TRDN: variants seen among roughly 807,000 people sequenced by gnomAD.
TRDN encodes the protein triadin in skeletal muscle.
A neutral mutation model predicts 149.7 loss-of-function variants in TRDN; 161 were observed. The ratio of observed to expected loss-of-function variants is 1.08; its 90% CI spans 0.95 to 1.23. TRDN has a LOEUF of 1.23. Among genes scored for constraint, TRDN ranks in the 50% most tolerant of loss-of-function variants. TRDN has a pLI of 0.00. For synonymous variants in TRDN, 294 were observed against 250.5 expected, an observed-to-expected ratio of 1.17 and a Z score of -1.64; for missense variants, 896 against 823.5, an observed-to-expected ratio of 1.09 and a Z score of -1.08.
intron 23 of TRDN, among the ~76,000 whole-genome samples, chr6:123,328,388 A>G (rs977624768): frequency 6.6e-6 from 1 of 152,106 alleles, no homozygotes; most frequent in Non-Finnish European, 1.5e-5. Flanking sequence ...CACCAACACC[A>G]CCTGCAAACC....
rs1286860055 is a variant in TRDN, at chr6:123,468,623, A to G, written c.854-3640T>C. On this transcript the variant is annotated intron_variant, in intron 9 of 40. Coordinates refer to ENST00000334268, the MANE Select transcript of TRDN (RefSeq NM_006073.4). Reference sequence around the variant, plus strand: ...AAAAATCTTGTCAAGGTAGGAGGCTATGAGCTGAATTATGATTGCATGATG... The same window carrying G: ...AAAAATCTTGTCAAGGTAGGAGGCTGTGAGCTGAATTATGATTGCATGATG... 2.6e-5 allele frequency among the ~76,000 whole-genome samples: 4 copies of G among 152,294 alleles called. No homozygotes were observed. The East Asian group carries it at 7.7e-4, about 29-fold the overall frequency.
At chr6:123,625,001 G>T in intron 1 of TRDN, among the ~76,000 whole-genome samples, 1 of 151,608 alleles carries the variant, frequency 6.6e-6, no homozygotes, top group Middle Eastern at 3.4e-3. Context: ...GGCAAGGTAA[G>T]TTGGTATCCC....
intron 20 of TRDN, among the ~76,000 whole-genome samples, chr6:123,361,165 T>C (rs1780884589): frequency 6.6e-6 from 1 of 152,104 alleles, no homozygotes; most frequent in Admixed American, 6.6e-5. Context: ...CACACTGTCT[T>C]CCACAATGGT....
At chr6:123,248,832 A>G (rs979705266) in intron 38 of TRDN, among the ~76,000 whole-genome samples, 1 of 152,230 alleles carries the variant, frequency 6.6e-6, no homozygotes, top group East Asian at 1.9e-4. Flanking sequence ...TATTCCAAGA[A>G]ATTAATGAGG....
At chr6:123,568,328 C>T (rs1782395391) in intron 2 of TRDN, among the ~76,000 whole-genome samples, 1 of 152,182 alleles carries the variant, frequency 6.6e-6, no homozygotes. Flanking sequence ...AGGGTGGAAG[C>T]TGCCAGTGGA....
In TRDN at chr6:123,477,444, A is replaced by G. The variant is rs925007286; in HGVS notation, c.854-12461T>C. ...GGGGAGGATGTGGAGAAATAGGAAC[A>G]CTTTTACACTGTTGGTGGGACTGTA... On this transcript the variant is annotated intron_variant, in intron 9 of 40. Coordinates refer to ENST00000334268, the MANE Select transcript of TRDN (RefSeq NM_006073.4). Among the ~76,000 whole-genome samples, 9 of 149,722 alleles carry G rather than the reference A, an allele frequency of 6.0e-5. No individual in the cohort carries two copies. In the South Asian group the frequency reaches 1.5e-3, roughly 26 times the overall value.
intron 1 of TRDN, among the ~76,000 whole-genome samples, chr6:123,620,381 C>T (rs1048267389): frequency 6.6e-6 from 1 of 152,138 alleles, no homozygotes; most frequent in Non-Finnish European, 1.5e-5. Context: ...CTGGGGACTA[C>T]ACACTGACAA....
intron 38 of TRDN, among the ~76,000 whole-genome samples, chr6:123,248,379 A>T (rs1776257788): frequency 6.6e-6 from 1 of 152,076 alleles, no homozygotes; most frequent in Admixed American, 6.6e-5. Context: ...CAACATGGTG[A>T]GACCCTGTCT....
intron 8 of TRDN, chr6:123,502,215 T>G (rs948561019): frequency 2.0e-6 from 2 of 982,142 alleles, no homozygotes; most frequent in African/African-American, 3.5e-5. Flanking sequence ...ATTTCTGCTG[T>G]TTTTTTACCA....
chr6:123,525,982 G>T (rs1779927432), intron 5 of TRDN, among the ~76,000 whole-genome samples: 1 of 151,996 alleles, frequency 6.6e-6, no homozygotes, highest in Non-Finnish European at 1.5e-5. Flanking sequence ...TTAAGTCAAG[G>T]ATCTTGAGAT....
At chr6:123,453,276 A>C (rs140733957) in intron 10 of TRDN, among the ~76,000 whole-genome samples, 64 of 152,342 alleles carry the variant, frequency 4.2e-4, no homozygotes, top group African/African-American at 1.4e-3. Flanking sequence ...TAAACTAAAG[A>C]GCTTTTGCAC....
chr6:123,495,709 G>C (rs185634479), intron 9 of TRDN, among the ~76,000 whole-genome samples: 453 of 152,072 alleles, frequency 3.0e-3, no homozygotes, highest in Non-Finnish European at 3.3e-3. Context: ...ACTTGTAAGT[G>C]TTGAGAGGTT....
intron 37 of TRDN, among the ~76,000 whole-genome samples, chr6:123,254,076 G>A (rs1273298168): frequency 6.6e-6 from 1 of 151,792 alleles, no homozygotes. Context: ...ATGATAATTG[G>A]GCCTTACTAA....
At position 123,524,298 on chromosome 6, in the gene TRDN, T is replaced by G. The variant is rs189116782; in HGVS notation, c.484+6208A>C. 3.3e-5 allele frequency among the ~76,000 whole-genome samples: 5 copies of G among 152,292 alleles called. No individual in the cohort carries two copies. In the East Asian group the frequency reaches 5.8e-4, roughly 18 times the overall value. Reference sequence around the variant, plus strand: ...AGATGAAAGAAGTCTGTTAGTTACCTGTGTAAAGTCAGGTGGGAATTTTAT... The same window carrying G: ...AGATGAAAGAAGTCTGTTAGTTACCGGTGTAAAGTCAGGTGGGAATTTTAT... On this transcript the variant is annotated intron_variant, in intron 5 of 40. Transcript: ENST00000334268.
At chr6:123,514,016 G>A (rs977706223) in intron 6 of TRDN, among the ~76,000 whole-genome samples, 2 of 152,040 alleles carry the variant, frequency 1.3e-5, no homozygotes, top group Non-Finnish European at 2.9e-5. Flanking sequence ...ATCTTACTTC[G>A]TATCATACAC....
At chr6:123,480,341 C>T (rs116167193) in intron 9 of TRDN, among the ~76,000 whole-genome samples, 44 of 151,844 alleles carry the variant, frequency 2.9e-4, no homozygotes, top group African/African-American at 8.4e-4. Context: ...TTATATCCCT[C>T]GGCATGCCCT....
At chr6:123,244,280 G>T (rs1338357656) in intron 38 of TRDN, among the ~76,000 whole-genome samples, 1 of 152,040 alleles carries the variant, frequency 6.6e-6, no homozygotes, top group Admixed American at 6.6e-5. Flanking sequence ...TCAGAAGGTG[G>T]GTAATAACAA....
chr6:123,218,696 C>T lies in TRDN; in HGVS notation c.2095G>A (p.Gly699Ser). The T allele has an allele frequency of 6.3e-7, 1 of 1,596,570 alleles. No individual in the cohort carries two copies. Among genetic ancestry groups the T allele is most frequent in the African/African-American group, 1.3e-5 (1 of 74,756 alleles). The change falls in exon 41 of 41, where the codon GGC becomes AGC. Residue 699 changes from glycine to serine, a missense_variant. By Grantham distance (56) the Gly-to-Ser change is moderately conservative. Transcript: ENST00000334268. Reference sequence around the variant, plus strand: ...GTGAAAGGAAACTGAAATCCATAGCCATTGTACCCATCCAAGTAGACACAC... The same window carrying T: ...GTGAAAGGAAACTGAAATCCATAGCTATTGTACCCATCCAAGTAGACACAC... ...FQCVYLDGYNGYGFQFPFTPA... is the reference protein window; with the variant it reads ...FQCVYLDGYNSYGFQFPFTPA...
chr6:123,266,511 A>G (rs1166164371), intron 32 of TRDN, among the ~76,000 whole-genome samples: 5 of 46,456 alleles, frequency 1.1e-4, no homozygotes, highest in Non-Finnish European at 1.6e-4. Context: ...TATATATATT[A>G]TAATATGTAT....
Sources: gnomAD v4.1 joint callset for allele counts (sites outside exome capture counted in the v4.1 genomes callset) on GRCh38, gnomAD v4.1.1 for gene constraint, MANE v1.5 for transcripts, NCBI Gene and HGNC (gene_info 2026-07-23, HGNC 2026-07-21) for gene names.